Variants in UST observed in about 807,000 individuals in gnomAD.
UST encodes the protein chondroitin sulfate 2-O-sulfotransferase.
In UST, 21 loss-of-function variants were observed where a neutral mutation model predicts 45.6. The ratio of observed to expected loss-of-function variants is 0.46; its 90% CI spans 0.33 to 0.66. UST has a LOEUF of 0.66. UST is among the 30% of genes least tolerant of loss of function. The probability of loss-of-function intolerance (pLI) is 0.02; values close to 1 mark genes in which losing one functional copy is unlikely to be tolerated. For synonymous variants in UST, 215 were observed against 200.6 expected (o/e 1.07, Z -0.61); for missense variants, 463 against 512.4 (o/e 0.90, Z 0.93).
intron 1 of UST, among the ~76,000 whole-genome samples, chr6:148,828,623 T>C (rs991157400): frequency 6.6e-6 from 1 of 152,168 alleles, no homozygotes; most frequent in Non-Finnish European, 1.5e-5. Flanking sequence ...GTTTCACTTT[T>C]CTCACCTGTA....
intron 1 of UST, among the ~76,000 whole-genome samples, chr6:148,767,953 G>A (rs961798552): frequency 6.6e-6 from 1 of 151,900 alleles, no homozygotes; most frequent in African/African-American, 2.4e-5. Flanking sequence ...TTTTTTTTGT[G>A]GTTGTAGGTA....
intron 1 of UST, among the ~76,000 whole-genome samples, chr6:148,866,764 A>G (rs1228254712): frequency 6.6e-6 from 1 of 152,130 alleles, no homozygotes; most frequent in African/African-American, 2.4e-5. Flanking sequence ...TCTCCTTACA[A>G]GTTGTTTTTG....
chr6:148,973,129 A>G (rs183460310), intron 5 of UST, among the ~76,000 whole-genome samples: 1 of 152,228 alleles, frequency 6.6e-6, no homozygotes, highest in East Asian at 1.9e-4. Context: ...ATGCAAATAA[A>G]TGTCATTAAA....
At chr6:148,760,197 C>T (rs983274672) in intron 1 of UST, among the ~76,000 whole-genome samples, 4 of 152,124 alleles carry the variant, frequency 2.6e-5, no homozygotes, top group African/African-American at 4.8e-5. Context: ...CCTCCACCTC[C>T]GCCAGAACTT....
intron 1 of UST, among the ~76,000 whole-genome samples, chr6:148,780,088 T>C (rs12526733): frequency 0.16 from 17,694 of 112,566 alleles, 1,167 homozygotes; most frequent in African/African-American, 0.19. Flanking sequence ...TGTATATATA[T>C]ACACACACAC....
intron 2 of UST, among the ~76,000 whole-genome samples, chr6:148,901,960 C>T (rs1779267635): frequency 6.6e-6 from 1 of 152,174 alleles, no homozygotes; most frequent in South Asian, 2.1e-4. Flanking sequence ...ATACTCTGAG[C>T]ATTGACTATC....
intron 5 of UST, chr6:149,005,492 C>T (rs1057454177): frequency 1.1e-5 from 11 of 985,262 alleles, no homozygotes; most frequent in African/African-American, 8.7e-5. Flanking sequence ...TGGGCCCGAA[C>T]TTTGCTCATT....
rs144255225 is a variant in UST at position 149,015,300 on chromosome 6, A to G, written c.682-3839A>G. On this transcript the variant is annotated intron_variant, in intron 5 of 7. Transcript: ENST00000367463. ...AATAGTACAGTTTAGAATACATTGC[A>G]ACACAAATGGATTAATTTTTGTACA... 3.2e-3 allele frequency among the ~76,000 whole-genome samples: 488 copies of G among 152,370 alleles called. 4 individuals carry two copies. The highest frequency in any genetic ancestry group is 0.011 in the African/African-American group (464 of 41,596).
chr6:149,063,569 A>G (rs1441591412), intron 7 of UST, among the ~76,000 whole-genome samples: 1 of 152,202 alleles, frequency 6.6e-6, no homozygotes, highest in Non-Finnish European at 1.5e-5. Flanking sequence ...GGGAGGGTAG[A>G]CTGCTTCTCG....
At chr6:148,893,825 G>A (rs1403445684) in intron 2 of UST, among the ~76,000 whole-genome samples, 2 of 152,190 alleles carry the variant, frequency 1.3e-5, no homozygotes, top group Admixed American at 1.3e-4. Flanking sequence ...TGCAAGTCCT[G>A]AAGTTTGAAT....
At chr6:148,878,688 GGGTCGTGTGTGAGTGCGGA>G (rs1778765874) in intron 1 of UST, among the ~76,000 whole-genome samples, 1 of 60,294 alleles carries the variant, frequency 1.7e-5, no homozygotes, top group Non-Finnish European at 2.9e-5. Flanking sequence ...ATGAGTGCGG[GGGTCGTGTGTGAGTGCGGA>G]GGTCGTGTAT....
At chr6:148,991,947 C>T (rs371301047) in intron 5 of UST, among the ~76,000 whole-genome samples, 2 of 152,230 alleles carry the variant, frequency 1.3e-5, no homozygotes, top group African/African-American at 2.4e-5. Context: ...CAGGGGTTGA[C>T]GTTTAGAACA....
chr6:148,992,657 T>C (rs1420923834), intron 5 of UST, among the ~76,000 whole-genome samples: 1 of 152,108 alleles, frequency 6.6e-6, no homozygotes, highest in Non-Finnish European at 1.5e-5. Context: ...TCTCTGAAAT[T>C]GAAGTTTTAA....
At chr6:149,013,526 CAA>C (rs71678676) in intron 5 of UST, among the ~76,000 whole-genome samples, 1 of 145,270 alleles carries the variant, frequency 6.9e-6, no homozygotes, top group Non-Finnish European at 1.5e-5. Context: ...AACTCTGTCT[CAA>C]AAAAAAAAGA....
At chr6:148,941,245 C>G (rs114286293) in intron 2 of UST, 34 bp from the exon 3 acceptor site, 6 of 1,610,494 alleles carry the variant, frequency 3.7e-6, no homozygotes, top group Non-Finnish European at 5.1e-6. Flanking sequence ...TCCATACAGA[C>G]GTTTCATGTT....
At chr6:148,919,047 T>C (rs1035124291) in intron 2 of UST, among the ~76,000 whole-genome samples, 8 of 152,188 alleles carry the variant, frequency 5.3e-5, no homozygotes, top group African/African-American at 1.9e-4. Flanking sequence ...TGATCTTTAC[T>C]ATAGTACTCT....
intron 7 of UST, among the ~76,000 whole-genome samples, chr6:149,041,284 A>G (rs1776309269): frequency 1.3e-5 from 2 of 152,152 alleles, no homozygotes; most frequent in African/African-American, 2.4e-5. Flanking sequence ...AGGAGTTGGA[A>G]CCTGCTGGCT....
chr6:148,998,455 TTA>T (rs2115000344), intron 5 of UST, among the ~76,000 whole-genome samples: 1 of 152,352 alleles, frequency 6.6e-6, no homozygotes, highest in East Asian at 1.9e-4. Context: ...GGCCTACGTT[TTA>T]TAAACACCTT....
chr6:148,966,245 T>TAAAAAA (rs112120036), intron 5 of UST, among the ~76,000 whole-genome samples: 1 of 150,240 alleles, frequency 6.7e-6, no homozygotes. Context: ...ATAATAATAA[T>TAAAAAA]TAAATAAAAT....
Sources: gnomAD v4.1 joint callset for allele counts (sites outside exome capture counted in the v4.1 genomes callset) on GRCh38, gnomAD v4.1.1 for gene constraint, MANE v1.5 for transcripts, NCBI Gene and HGNC (gene_info 2026-07-23, HGNC 2026-07-21) for gene names.